The following NEURL1B variants were observed in gnomAD, a reference collection of about 807,000 sequenced individuals.
NEURL1B encodes the protein neuralized E3 ubiquitin protein ligase 1B, also known as E3 ubiquitin-protein ligase NEURL1B.
Under a neutral mutation model 37.4 loss-of-function variants are expected in NEURL1B, and 13 were observed. That is an observed-to-expected ratio of 0.35 (90% CI 0.23 to 0.55). The LOEUF (loss-of-function observed/expected upper bound fraction) is 0.55. Ranked by LOEUF, NEURL1B falls within the 20% of genes least tolerant of loss-of-function variation. NEURL1B has a pLI of 0.89. For missense variants in NEURL1B, 790 were observed against 879.2 expected, an observed-to-expected ratio of 0.90 and a Z score of 1.28; for synonymous variants, 432 against 426.6, an observed-to-expected ratio of 1.01 and a Z score of -0.16.
At position 172,687,241 on chromosome 5, in the gene NEURL1B, T is replaced by G; in HGVS notation, c.*316T>G. 3 of 223,640 alleles carry G rather than the reference T, an allele frequency of 1.3e-5. No homozygotes were observed. The highest frequency in any genetic ancestry group is 2.7e-5 in the Non-Finnish European group (3 of 113,112). 13.9% of individuals were successfully genotyped at this position (223,640 alleles called of 1,614,324 possible). On this transcript the variant is annotated 3_prime_UTR_variant, in exon 5 of 5. Transcript: ENST00000369800. The stretch of plus-strand genomic sequence containing the variant: ...TCTGTGCAATGCTTCTTGCTGGGGT[T>G]GGGTTGAGTGTGAGAGAAGGGGAGG...
chr5:172,643,104 C>T (rs766553501), intron 1 of NEURL1B, among the ~76,000 whole-genome samples: 8 of 152,164 alleles, frequency 5.3e-5, no homozygotes, highest in Non-Finnish European at 8.8e-5. Flanking sequence ...ATTCTCCATC[C>T]CTCTCAACTC....
rs746372091 is a variant in NEURL1B at position 172,661,347 on chromosome 5, C to T, written c.32-8438C>T. On this transcript the variant is annotated intron_variant, in intron 1 of 4. Transcript: ENST00000369800. This position sits in a 1 kb window ranked among gnomAD's most constrained non-coding sequence, Gnocchi z 4.0. ...GCATGGAGTCTGGGTATGTTTCTGG[C>T]GGGGAAGCCTCTATAGATTTTATTG... Among the ~76,000 whole-genome samples, 13 of 152,166 alleles carry T rather than the reference C, an allele frequency of 8.5e-5. No homozygotes were observed. Among genetic ancestry groups the T allele is most frequent in the East Asian group, 3.9e-4 (2 of 5,180 alleles).
intron 2 of NEURL1B, among the ~76,000 whole-genome samples, chr5:172,677,864 C>A (rs931118677): frequency 2.0e-5 from 3 of 152,202 alleles, no homozygotes; most frequent in Non-Finnish European, 4.4e-5. Context: ...AGTCCTGTCT[C>A]TCTGCCCTCC....
intron 3 of NEURL1B, among the ~76,000 whole-genome samples, chr5:172,684,347 G>C (rs9313603): frequency 0.76 from 115,033 of 151,924 alleles, 44,342 homozygotes; most frequent in African/African-American, 0.9. Flanking sequence ...TTCAGTGGGT[G>C]CACGGTGCGC....
intron 1 of NEURL1B, among the ~76,000 whole-genome samples, chr5:172,651,938 A>G (rs556670541): frequency 1.2e-3 from 176 of 152,334 alleles, no homozygotes; most frequent in African/African-American, 4.0e-3. Context: ...GGTGAAAGGG[A>G]TAGCCAACTG....
chr5:172,654,401 C>T (rs192990660), intron 1 of NEURL1B, among the ~76,000 whole-genome samples: 39 of 152,244 alleles, frequency 2.6e-4, no homozygotes, highest in African/African-American at 9.4e-4. Flanking sequence ...AACCATCTAT[C>T]GTCCAGTCCT....
At chr5:172,656,774 C>T (rs1015727427) in intron 1 of NEURL1B, 8 of 711,472 alleles carry the variant, frequency 1.1e-5, no homozygotes, top group Non-Finnish European at 1.7e-5. Context: ...GAATTGAACA[C>T]ACTGACATAT....
intron 1 of NEURL1B, among the ~76,000 whole-genome samples, chr5:172,654,108 T>G (rs561809136): frequency 1.3e-5 from 2 of 152,250 alleles, no homozygotes; most frequent in Non-Finnish European, 2.9e-5. Flanking sequence ...CATTTTACAC[T>G]GTTAACTTTT....
rs1323486051 is a variant in NEURL1B, at chr5:172,647,169, C to T, written c.31+5732C>T. Among the ~76,000 whole-genome samples, 1 of 152,154 alleles carries T rather than the reference C, an allele frequency of 6.6e-6. No individual in the cohort carries two copies. The highest frequency in any genetic ancestry group is 1.5e-5 in the Non-Finnish European group (1 of 68,018). On this transcript the variant is annotated intron_variant, in intron 1 of 4. Transcript: ENST00000369800. This position sits in a 1 kb window ranked among gnomAD's most constrained non-coding sequence, Gnocchi z 4.2. ...CCTCTCTTTTGGACCAAAGGGCTTT[C>T]TGTACTTATGGTGCTCTCTGAGGGC...
At chr5:172,678,773 C>T (rs1056615479) in intron 2 of NEURL1B, among the ~76,000 whole-genome samples, 8 of 152,188 alleles carry the variant, frequency 5.3e-5, no homozygotes, top group African/African-American at 1.9e-4. Context: ...AGTACATGGC[C>T]CGAGTCAGTC....
rs1581442932 is a variant in NEURL1B, at chr5:172,687,259, A to G, written c.*334A>G. On this transcript the variant is annotated 3_prime_UTR_variant, in exon 5 of 5. Transcript: ENST00000369800. ...CTGGGGTTGGGTTGAGTGTGAGAGA[A>G]GGGGAGGGGAGGGAGGGAGAACAGA... 4 of 139,316 alleles carry G rather than the reference A, an allele frequency of 2.9e-5. No homozygotes were observed. The highest frequency in any genetic ancestry group is 1.7e-4 in the South Asian group (1 of 5,734). The allele number at this position is 139,316 out of a possible 1,614,324, so 8.6% of individuals were successfully genotyped here.
chr5:172,667,573 C>G (rs1758040100), intron 1 of NEURL1B, among the ~76,000 whole-genome samples: 2 of 152,104 alleles, frequency 1.3e-5, no homozygotes, highest in Non-Finnish European at 1.5e-5. Context: ...TGAAAACCTT[C>G]AAATCTCTAC....
Position 172,687,610 on chromosome 5 carries a change from G to C in NEURL1B, c.*685G>C, listed in dbSNP as rs994977357. 2.0e-5 allele frequency: 3 copies of C among 152,460 alleles called. No homozygotes were observed. The highest frequency in any genetic ancestry group is 4.4e-5 in the Non-Finnish European group (3 of 68,338). The allele number at this position is 152,460 out of a possible 1,614,324, so 9.4% of individuals were successfully genotyped here. A position where few individuals can be genotyped will look rare whatever the true frequency, so the allele number is the denominator to read the frequency against. ...CTTCTTCATTTCTTACTGGGTCTTA[G>C]AGCTGGGTGTGATGGGCACCGAGGC... On this transcript the variant is annotated 3_prime_UTR_variant, in exon 5 of 5. Coordinates refer to ENST00000369800, the MANE Select transcript of NEURL1B (RefSeq NM_001142651.3).
chr5:172,684,927 A>C (rs1758461741), intron 3 of NEURL1B, among the ~76,000 whole-genome samples: 1 of 152,244 alleles, frequency 6.6e-6, no homozygotes, highest in Non-Finnish European at 1.5e-5. Flanking sequence ...CAAAAAGTAG[A>C]GTCCAAGCAA....
chr5:172,652,527 G>A (rs1757686750), intron 1 of NEURL1B, among the ~76,000 whole-genome samples: 1 of 152,200 alleles, frequency 6.6e-6, no homozygotes. Context: ...TACAGAAACC[G>A]GTTGGGGCAG....
rs1362090211 is a variant in NEURL1B at position 172,653,457 on chromosome 5, G to A, written c.31+12020G>A. Among the ~76,000 whole-genome samples the A allele has an allele frequency of 2.0e-5, 3 of 152,072 alleles. No individual in the cohort carries two copies. The East Asian group carries it at 5.8e-4, about 29-fold the overall frequency. On this transcript the variant is annotated intron_variant, in intron 1 of 4. Coordinates refer to ENST00000369800, the MANE Select transcript of NEURL1B (RefSeq NM_001142651.3). ...TTAATGTCTGACCATAAGGTAAAAT[G>A]TTTATAGACTCTTTTTAACCTTTTA...
intron 1 of NEURL1B, among the ~76,000 whole-genome samples, chr5:172,648,580 C>T (rs573294733): frequency 2.0e-5 from 3 of 152,326 alleles, no homozygotes; most frequent in South Asian, 4.1e-4. Context: ...AGCAGTCCAA[C>T]ATGATTCCAG....
At position 172,683,852 on chromosome 5, in the gene NEURL1B, G is replaced by A; in HGVS notation, c.1011G>A (p.Ala337=). The A allele has an allele frequency of 4.4e-6, 6 of 1,352,500 alleles. No homozygotes were observed. The highest frequency in any genetic ancestry group is 1.6e-5 in the South Asian group (1 of 63,120). The allele number at this position is 1,352,500 out of a possible 1,614,324, so 83.8% of individuals were successfully genotyped here. Residue 337 remains alanine, a synonymous_variant, in exon 3 of 5, where the codon GCG becomes GCA. Transcript: ENST00000369800. The surrounding 1 kb of genome is among the most constrained non-coding windows in gnomAD (Gnocchi z 5.6). Reference sequence around the variant, plus strand: ...GTCCGGGGCTGGCGGCGCCCGGCGCGCTGGCCTTCGGCATCACGTCGTGCG... The same window carrying A: ...GTCCGGGGCTGGCGGCGCCCGGCGCACTGGCCTTCGGCATCACGTCGTGCG... The part of the protein sequence containing the change: ...VGRPGLAAPG[A]LAFGITSCDP...
chr5:172,645,288 T>C (rs1482231302), intron 1 of NEURL1B, among the ~76,000 whole-genome samples: 2 of 152,132 alleles, frequency 1.3e-5, no homozygotes, highest in Non-Finnish European at 2.9e-5. Context: ...ACGTGGACAG[T>C]CTGTAAGTGC....
Sources: allele counts gnomAD v4.1 joint callset (sites outside exome capture counted in the v4.1 genomes callset), GRCh38; gene constraint gnomAD v4.1.1; non-coding constraint Gnocchi (gnomAD v3.1); transcripts MANE v1.5; gene names NCBI Gene and HGNC (gene_info 2026-07-23, HGNC 2026-07-21).